The following PRKN variants were observed in gnomAD, a reference collection of about 807,000 sequenced individuals.
The protein encoded by PRKN is E3 ubiquitin-protein ligase parkin.
In PRKN, 56 loss-of-function variants were observed where a neutral mutation model predicts 59.5. The ratio of observed to expected loss-of-function variants is 0.94; its 90% CI spans 0.76 to 1.18. The LOEUF (loss-of-function observed/expected upper bound fraction) is 1.18. Among genes scored for constraint, PRKN ranks in the 50% most tolerant of loss-of-function variants. PRKN has a pLI of 0.00. For missense variants in PRKN, 657 were observed against 596.4 expected (o/e 1.10, Z -1.06); for synonymous variants, 250 against 222.1 (o/e 1.13, Z -1.12).
At chr6:162,469,152 T>C (rs926225979) in intron 1 of PRKN, among the ~76,000 whole-genome samples, 5 of 152,046 alleles carry the variant, frequency 3.3e-5, no homozygotes, top group African/African-American at 1.2e-4. Context: ...TTCTGGTGTA[T>C]TTACAAGGAA....
chr6:162,530,168 G>C (rs1003345084), intron 1 of PRKN, among the ~76,000 whole-genome samples: 11 of 151,704 alleles, frequency 7.3e-5, no homozygotes, highest in African/African-American at 2.4e-4. Flanking sequence ...AAAAAGTAGA[G>C]GCATTCCCAG....
chr6:162,215,760 G>A (rs574867316), intron 3 of PRKN, among the ~76,000 whole-genome samples: 3 of 152,188 alleles, frequency 2.0e-5, no homozygotes, highest in East Asian at 3.9e-4. Flanking sequence ...ATAAAAATGA[G>A]GGGCAGGCCG....
chr6:162,470,126 C>T (rs968856978), intron 1 of PRKN, among the ~76,000 whole-genome samples: 2 of 152,148 alleles, frequency 1.3e-5, no homozygotes, highest in Admixed American at 1.3e-4. Flanking sequence ...AATGACAGGT[C>T]TCCCACGGCC....
intron 4 of PRKN, among the ~76,000 whole-genome samples, chr6:162,172,245 G>A (rs1040480267): frequency 5.3e-5 from 8 of 152,218 alleles, no homozygotes; most frequent in Non-Finnish European, 8.8e-5. Flanking sequence ...TGGCTAGCCA[G>A]TAGGCAGAAA....
intron 5 of PRKN, among the ~76,000 whole-genome samples, chr6:162,018,445 G>A (rs1783011869): frequency 1.3e-5 from 2 of 152,186 alleles, no homozygotes; most frequent in Non-Finnish European, 2.9e-5. Flanking sequence ...AAAAACTAAT[G>A]ATGAGAGGAG....
intron 9 of PRKN, among the ~76,000 whole-genome samples, chr6:161,439,353 G>A (rs1344224213): frequency 1.3e-5 from 2 of 152,214 alleles, no homozygotes; most frequent in Non-Finnish European, 2.9e-5. Flanking sequence ...CTCCTAGCAG[G>A]CACAGGGTAA....
intron 7 of PRKN, among the ~76,000 whole-genome samples, chr6:161,704,056 A>ATG (rs1786380867): frequency 6.6e-6 from 1 of 151,894 alleles, no homozygotes; most frequent in South Asian, 2.1e-4. Flanking sequence ...GGGTTTCACC[A>ATG]TGTTGGCCAG....
At chr6:162,692,549 T>G (rs1357607869) in intron 1 of PRKN, among the ~76,000 whole-genome samples, 2 of 141,346 alleles carry the variant, frequency 1.4e-5, no homozygotes, top group South Asian at 2.3e-4. Flanking sequence ...CCCACGTAGG[T>G]GTTCCACACC....
intron 6 of PRKN, among the ~76,000 whole-genome samples, chr6:161,879,725 GA>G (rs1794862557): frequency 6.6e-6 from 1 of 152,140 alleles, no homozygotes; most frequent in African/African-American, 2.4e-5. Context: ...TTTAATGTTA[GA>G]AACTTGATAC....
At chr6:162,172,485 C>T (rs1471820821) in intron 4 of PRKN, among the ~76,000 whole-genome samples, 5 of 152,192 alleles carry the variant, frequency 3.3e-5, no homozygotes, top group Non-Finnish European at 7.3e-5. Flanking sequence ...ACACTCTTAC[C>T]ACAGATGGAC....
chr6:161,510,923 GA>G (rs1402428873), intron 9 of PRKN, among the ~76,000 whole-genome samples: 4 of 152,242 alleles, frequency 2.6e-5, no homozygotes, highest in African/African-American at 9.6e-5. Context: ...GTGGATAAGG[GA>G]AATAGTTTTT....
intron 7 of PRKN, among the ~76,000 whole-genome samples, chr6:161,762,841 T>C (rs1001565420): frequency 3.9e-5 from 6 of 152,222 alleles, no homozygotes; most frequent in Non-Finnish European, 4.4e-5. Context: ...CATTTTCAAG[T>C]TGAAGTTTTC....
chr6:162,338,675 C>G (rs1583405207), intron 2 of PRKN, among the ~76,000 whole-genome samples: 1 of 152,094 alleles, frequency 6.6e-6, no homozygotes, highest in African/African-American at 2.4e-5. Context: ...GGCCGCCACC[C>G]TGTCTGGGAA....
intron 9 of PRKN, among the ~76,000 whole-genome samples, chr6:161,512,130 A>C (rs1210612010): frequency 6.6e-6 from 1 of 152,234 alleles, no homozygotes; most frequent in Non-Finnish European, 1.5e-5. Flanking sequence ...GTAAGTCTGA[A>C]AATGGAAAGA....
At chr6:162,421,019 C>A (rs574666496) in intron 2 of PRKN, among the ~76,000 whole-genome samples, 1 of 152,336 alleles carries the variant, frequency 6.6e-6, no homozygotes, top group South Asian at 2.1e-4. Context: ...TAGCATTGAA[C>A]TCACACATCC....
At chr6:161,520,300 C>T (rs1778773038) in intron 9 of PRKN, among the ~76,000 whole-genome samples, 1 of 149,216 alleles carries the variant, frequency 6.7e-6, no homozygotes, top group Non-Finnish European at 1.5e-5. Flanking sequence ...TCTCAGCTCA[C>T]TGCAACCTCT....
At chr6:162,595,741 T>G (rs1042105044) in intron 1 of PRKN, among the ~76,000 whole-genome samples, 1 of 152,188 alleles carries the variant, frequency 6.6e-6, no homozygotes, top group African/African-American at 2.4e-5. Context: ...GAGTTAAGGT[T>G]GAACATGTGT....
At chr6:162,637,204 C>T (rs1429644124) in intron 1 of PRKN, among the ~76,000 whole-genome samples, 2 of 151,848 alleles carry the variant, frequency 1.3e-5, no homozygotes, top group African/African-American at 4.8e-5. Flanking sequence ...TTGCAGTGGG[C>T]CGAGATCACG....
rs113662258 is a variant in PRKN at position 161,517,454 on chromosome 6, T to C, written c.1083+31400A>G. The stretch of plus-strand genomic sequence containing the variant: ...TATAAGATGAAATCAAGAGTTGAGG[T>C]GCTAGGCCGGGCGTGGTGGCTCACA... On this transcript the variant is annotated intron_variant, in intron 9 of 11. Coordinates refer to ENST00000366898, the MANE Select transcript of PRKN (RefSeq NM_004562.3). Among the ~76,000 whole-genome samples, 1,093 of 152,054 alleles carry C rather than the reference T, an allele frequency of 7.2e-3. 17 individuals are homozygous for C. Among genetic ancestry groups the C allele is most frequent in the Admixed American group, 0.014 (212 of 15,276 alleles).
Sources: allele counts gnomAD v4.1 joint callset (sites outside exome capture counted in the v4.1 genomes callset), GRCh38; gene constraint gnomAD v4.1.1; transcripts MANE v1.5; gene names NCBI Gene and HGNC (gene_info 2026-07-23, HGNC 2026-07-21).